The following GABRG3 variants were observed in gnomAD, a reference collection of about 807,000 sequenced individuals.
GABRG3 encodes gamma-aminobutyric acid type A receptor subunit gamma3.
A neutral mutation model predicts 48.8 loss-of-function variants in GABRG3; 25 were observed. The ratio of observed to expected loss-of-function variants is 0.51; its 90% CI spans 0.37 to 0.72. The LOEUF is 0.72. Ranked by LOEUF, GABRG3 falls within the 30% of genes least tolerant of loss-of-function variation. The probability of loss-of-function intolerance (pLI) is 0.00; values close to 1 mark genes in which losing one functional copy is unlikely to be tolerated. For missense variants in GABRG3, 394 were observed against 577.9 expected, an observed-to-expected ratio of 0.68 and a Z score of 3.26; for synonymous variants, 227 against 217.6, an observed-to-expected ratio of 1.04 and a Z score of -0.38.
chr15:27,245,099 A>C (rs956356016), intron 3 of GABRG3, among the ~76,000 whole-genome samples: 2 of 152,088 alleles, frequency 1.3e-5, no homozygotes, highest in African/African-American at 4.8e-5. Context: ...ACAGGGATGC[A>C]TTGCTTTGAC....
intron 6 of GABRG3, among the ~76,000 whole-genome samples, chr15:27,498,801 C>T (rs563027073): frequency 9.9e-5 from 15 of 152,250 alleles, no homozygotes; most frequent in African/African-American, 2.2e-4. Flanking sequence ...CCACCACGCC[C>T]GGCCAGATGT....
chr15:27,385,627 G>C (rs576536044), intron 5 of GABRG3, among the ~76,000 whole-genome samples: 143 of 152,136 alleles, frequency 9.4e-4, no homozygotes, highest in African/African-American at 3.0e-3. Flanking sequence ...TAAGTTCACT[G>C]ATTATTCTAT....
chr15:27,410,717 T>G (rs1287365398), intron 5 of GABRG3, among the ~76,000 whole-genome samples: 1 of 152,148 alleles, frequency 6.6e-6, no homozygotes, highest in Middle Eastern at 3.2e-3. Flanking sequence ...GAGAATGTCT[T>G]AATTTCTCCT....
At chr15:27,502,247 G>C (rs974598842) in intron 6 of GABRG3, among the ~76,000 whole-genome samples, 1 of 152,054 alleles carries the variant, frequency 6.6e-6, no homozygotes, top group Non-Finnish European at 1.5e-5. Flanking sequence ...ATAATACTTT[G>C]TAGCTTATAT....
chr15:27,330,595 A>G (rs928150197), intron 5 of GABRG3, among the ~76,000 whole-genome samples: 1 of 152,238 alleles, frequency 6.6e-6, no homozygotes, highest in South Asian at 2.1e-4. Context: ...CCAGGAGGGG[A>G]TTGTGTGCAC....
intron 3 of GABRG3, among the ~76,000 whole-genome samples, chr15:27,122,053 A>G (rs755747508): frequency 2.0e-5 from 3 of 152,226 alleles, no homozygotes; most frequent in African/African-American, 7.2e-5. Flanking sequence ...ATAGCACAAG[A>G]GGGTAACTTT....
chr15:26,982,326 T>C (rs978659853), intron 2 of GABRG3, among the ~76,000 whole-genome samples: 1 of 152,190 alleles, frequency 6.6e-6, no homozygotes, highest in Non-Finnish European at 1.5e-5. Flanking sequence ...AGTTCATGTA[T>C]CCTGTGGTAG....
In GABRG3 at chr15:27,180,235, T is replaced by G. The variant is rs1313909744; in HGVS notation, c.271-146574T>G. Among the ~76,000 whole-genome samples the G allele has an allele frequency of 6.6e-6, 1 of 152,126 alleles. No individual in the cohort carries two copies. The highest frequency in any genetic ancestry group is 1.5e-5 in the Non-Finnish European group (1 of 68,026). ...GACCTTAGCACGGTCTAAATAAAGT[T>G]TGTAAACCACTGATGTAGAAGAGGG... On this transcript the variant is annotated intron_variant, in intron 3 of 9. Transcript: ENST00000615808. This position sits in a 1 kb window ranked among gnomAD's most constrained non-coding sequence, Gnocchi z 4.2.
In GABRG3 at chr15:27,181,853, A is replaced by G. The variant is rs559992931; in HGVS notation, c.271-144956A>G. On this transcript the variant is annotated intron_variant, in intron 3 of 9. Coordinates refer to ENST00000615808, the MANE Select transcript of GABRG3 (RefSeq NM_033223.5). The stretch of plus-strand genomic sequence containing the variant: ...TTTTTTATTCCTGTCAAACTCTACC[A>G]GATACTTAGCAATCTTTCTCATCCA... Among the ~76,000 whole-genome samples the G allele has an allele frequency of 3.3e-5, 5 of 152,230 alleles. No homozygotes were observed. In the East Asian group the frequency reaches 9.6e-4, roughly 29 times the overall value.
chr15:27,527,340 C>T (rs1022050170), intron 7 of GABRG3, 93 bp from the exon 8 acceptor site: 2 of 1,131,500 alleles, frequency 1.8e-6, no homozygotes, highest in African/African-American at 3.1e-5. Context: ...TCCTGTAAGG[C>T]AGCCGTGCTG....
intron 3 of GABRG3, among the ~76,000 whole-genome samples, chr15:27,206,162 T>A (rs1275012624): frequency 6.6e-6 from 1 of 152,200 alleles, no homozygotes; most frequent in African/African-American, 2.4e-5. Context: ...TAATTTGAGA[T>A]CTTTCTAACT....
intron 3 of GABRG3, among the ~76,000 whole-genome samples, chr15:27,140,670 A>G (rs959123843): frequency 5.3e-5 from 8 of 152,148 alleles, no homozygotes; most frequent in African/African-American, 1.9e-4. Context: ...TTCTTATTAT[A>G]TACATTCTAA....
At chr15:27,298,737 G>T (rs2140491281) in intron 3 of GABRG3, among the ~76,000 whole-genome samples, 1 of 151,688 alleles carries the variant, frequency 6.6e-6, no homozygotes, top group South Asian at 2.1e-4. Flanking sequence ...TGCAGAATGT[G>T]CAGGTTTGTT....
chr15:27,134,560 A>G (rs2140385219), intron 3 of GABRG3, among the ~76,000 whole-genome samples: 1 of 152,188 alleles, frequency 6.6e-6, no homozygotes, highest in Non-Finnish European at 1.5e-5. Context: ...CCCTGTGGTC[A>G]CCACACTGGG....
intron 3 of GABRG3, among the ~76,000 whole-genome samples, chr15:27,122,371 T>G (rs1373252618): frequency 6.6e-6 from 1 of 152,198 alleles, no homozygotes; most frequent in Non-Finnish European, 1.5e-5. Flanking sequence ...ACCAACCCTG[T>G]GATAGAAGCT....
At chr15:27,139,071 CAGAG>C (rs891292236) in intron 3 of GABRG3, among the ~76,000 whole-genome samples, 2 of 151,934 alleles carry the variant, frequency 1.3e-5, no homozygotes, top group Non-Finnish European at 2.9e-5. Context: ...GACAGACAGA[CAGAG>C]AGAGAGGTGT....
chr15:27,192,402 T>G (rs1449263499), intron 3 of GABRG3, among the ~76,000 whole-genome samples: 2 of 152,216 alleles, frequency 1.3e-5, no homozygotes, highest in Non-Finnish European at 2.9e-5. Flanking sequence ...AGTCCCGTAT[T>G]TCTTGGAGGC....
chr15:27,260,378 A>G (rs1890734881), intron 3 of GABRG3, among the ~76,000 whole-genome samples: 1 of 152,228 alleles, frequency 6.6e-6, no homozygotes, highest in African/African-American at 2.4e-5. Flanking sequence ...TAAAGGCTCT[A>G]TCTCTAAACA....
intron 5 of GABRG3, among the ~76,000 whole-genome samples, chr15:27,376,943 T>G (rs1895616300): frequency 1.3e-5 from 2 of 152,186 alleles, no homozygotes; most frequent in South Asian, 2.1e-4. Flanking sequence ...TTTTCCAAAC[T>G]TTTATGCTCT....
Sources: allele counts gnomAD v4.1 joint callset (sites outside exome capture counted in the v4.1 genomes callset), GRCh38; gene constraint gnomAD v4.1.1; non-coding constraint Gnocchi (gnomAD v3.1); transcripts MANE v1.5; gene names NCBI Gene and HGNC (gene_info 2026-07-23, HGNC 2026-07-21).